LSAMP: variants seen among roughly 807,000 people sequenced by gnomAD.
LSAMP encodes the protein limbic system associated membrane protein.
A neutral mutation model predicts 38.6 loss-of-function variants in LSAMP; 7 were observed. The observed-to-expected ratio is 0.18, with a 90% CI of 0.10 to 0.34. The LOEUF (loss-of-function observed/expected upper bound fraction) is 0.34, where lower values mean the gene tolerates loss of function less well. Ranked by LOEUF, LSAMP falls within the 10% of genes least tolerant of loss-of-function variation. LSAMP has a pLI of 1.00. For missense variants in LSAMP, 313 were observed against 420.0 expected, an observed-to-expected ratio of 0.75 and a Z score of 2.23; for synonymous variants, 154 against 166.8, an observed-to-expected ratio of 0.92 and a Z score of 0.59.
chr3:116,102,413 G>A (rs1461085600), intron 1 of LSAMP, among the ~76,000 whole-genome samples: 1 of 152,156 alleles, frequency 6.6e-6, no homozygotes. Flanking sequence ...CTAACTGACT[G>A]GGCTAAGTGG....
Position 115,847,677 on chromosome 3 carries a change from C to A in LSAMP, c.649+4806G>T, listed in dbSNP as rs368441074. Among the ~76,000 whole-genome samples, 45 of 152,266 alleles carry A rather than the reference C, an allele frequency of 3.0e-4. No homozygotes were observed. The East Asian group carries it at 6.9e-3, about 24-fold the overall frequency. ...ATGGTTTTATAAGAGTTTGGTAGTT[C>A]CTCCTGCACTCATTCCCTTTCCTGC... On this transcript the variant is annotated intron_variant, in intron 4 of 6. Transcript: ENST00000490035.
intron 2 of LSAMP, among the ~76,000 whole-genome samples, chr3:116,066,761 A>G (rs1238822211): frequency 6.6e-6 from 1 of 152,102 alleles, no homozygotes; most frequent in African/African-American, 2.4e-5. Context: ...TGATAGCTCC[A>G]CCCTAATAGA....
At chr3:115,939,530 C>CTCTTTCTCTT (rs1553751053) in intron 3 of LSAMP, among the ~76,000 whole-genome samples, 1 of 99,620 alleles carries the variant, frequency 1.0e-5, no homozygotes, top group African/African-American at 3.7e-5. Context: ...TGTTCTCTTT[C>CTCTTTCTCTT]TCTTTCTTTC....
At chr3:116,210,889 A>G (rs1576435563) in intron 1 of LSAMP, among the ~76,000 whole-genome samples, 2 of 152,168 alleles carry the variant, frequency 1.3e-5, no homozygotes, top group Non-Finnish European at 2.9e-5. Flanking sequence ...TTTTATGTTC[A>G]TTGCAGCACT....
intron 1 of LSAMP, among the ~76,000 whole-genome samples, chr3:116,225,702 TAGC>T (rs1333688159): frequency 6.6e-6 from 1 of 152,116 alleles, no homozygotes; most frequent in Non-Finnish European, 1.5e-5. Flanking sequence ...GGCAAAATAA[TAGC>T]AGTTGTTAAG....
At chr3:116,285,493 T>C (rs1241524074) in intron 1 of LSAMP, among the ~76,000 whole-genome samples, 3 of 152,156 alleles carry the variant, frequency 2.0e-5, no homozygotes, top group Non-Finnish European at 4.4e-5. Flanking sequence ...TCATTCCCTC[T>C]TCTTTCAGGA....
intron 3 of LSAMP, among the ~76,000 whole-genome samples, chr3:115,951,202 C>T (rs1424791277): frequency 1.3e-5 from 2 of 152,174 alleles, no homozygotes; most frequent in African/African-American, 4.8e-5. Context: ...CTCTTCTAGA[C>T]ATTGGCTTAG....
chr3:115,908,271 T>C (rs1937058212), intron 3 of LSAMP, among the ~76,000 whole-genome samples: 1 of 152,106 alleles, frequency 6.6e-6, no homozygotes, highest in Admixed American at 6.6e-5. Flanking sequence ...ACTGAAAACC[T>C]ACCCCTCAAT....
rs1282952253 is a variant in LSAMP at position 115,805,975 on chromosome 3, G to A, written c.*4342C>T. 1 of 152,032 alleles carries A rather than the reference G, an allele frequency of 6.6e-6. No homozygotes were observed. Among genetic ancestry groups the A allele is most frequent in the East Asian group, 1.9e-4 (1 of 5,182 alleles). The allele number at this position is 152,032 out of a possible 1,614,324, so 9.4% of individuals were successfully genotyped here. ...CATTTTTGTGGTGTGTTTCACATTT[G>A]TCTTCAAAATATTAATAGTTTATGT... On this transcript the variant is annotated 3_prime_UTR_variant, in exon 7 of 7. Coordinates refer to ENST00000490035, the MANE Select transcript of LSAMP (RefSeq NM_002338.5).
intron 1 of LSAMP, among the ~76,000 whole-genome samples, chr3:116,206,831 G>T (rs2046076302): frequency 6.6e-6 from 1 of 151,182 alleles, no homozygotes; most frequent in African/African-American, 2.4e-5. Flanking sequence ...CAAGTATGTG[G>T]TCAATTTTGG....
chr3:115,897,926 A>T (rs1165743010), intron 3 of LSAMP, among the ~76,000 whole-genome samples: 1 of 152,122 alleles, frequency 6.6e-6, no homozygotes, highest in Admixed American at 6.6e-5. Flanking sequence ...TGGCAGGCAA[A>T]ATACCGCTTC....
At chr3:116,343,961 T>G (rs532825957) in intron 1 of LSAMP, among the ~76,000 whole-genome samples, 1 of 152,108 alleles carries the variant, frequency 6.6e-6, no homozygotes, top group Admixed American at 6.6e-5. Flanking sequence ...AAAGGGAAAC[T>G]GGATAATATA....
At chr3:116,021,984 C>T (rs1378861401) in intron 2 of LSAMP, among the ~76,000 whole-genome samples, 1 of 152,068 alleles carries the variant, frequency 6.6e-6, no homozygotes, top group Admixed American at 6.5e-5. Context: ...ACTGCATCTC[C>T]TAATTAAGGA....
intron 1 of LSAMP, among the ~76,000 whole-genome samples, chr3:116,241,977 G>C (rs982070299): frequency 1.3e-5 from 2 of 151,128 alleles, no homozygotes; most frequent in Non-Finnish European, 2.9e-5. Flanking sequence ...CCGGAAATAT[G>C]ACATAACTAC....
intron 1 of LSAMP, among the ~76,000 whole-genome samples, chr3:116,271,597 T>C (rs1399324231): frequency 6.6e-6 from 1 of 152,126 alleles, no homozygotes; most frequent in Non-Finnish European, 1.5e-5. Flanking sequence ...TGGGGCCACA[T>C]GCTTTAGGAA....
chr3:115,976,465 A>G (rs1939191524), intron 3 of LSAMP, among the ~76,000 whole-genome samples: 1 of 152,196 alleles, frequency 6.6e-6, no homozygotes, highest in Admixed American at 6.5e-5. Context: ...AACAAACAAG[A>G]GAGGTCATCA....
chr3:116,146,301 G>A (rs2107521718), intron 1 of LSAMP, among the ~76,000 whole-genome samples: 1 of 151,962 alleles, frequency 6.6e-6, no homozygotes. Context: ...TTATCCCCAG[G>A]CTTTGAATGT....
chr3:116,273,691 T>G lies in LSAMP; in HGVS notation c.155+171186A>C, dbSNP rs1413999264. On this transcript the variant is annotated intron_variant, in intron 1 of 6. Transcript: ENST00000490035. ...AGAGAAAGAGAAAGAGGCATATATA[T>G]ATATATATATATATATACACACACA... Among the ~76,000 whole-genome samples, 122 of 121,982 alleles carry G rather than the reference T, an allele frequency of 1.0e-3. 22 individuals carry two copies. Among genetic ancestry groups the G allele is most frequent in the African/African-American group, 4.2e-3 (109 of 25,748 alleles). 80.0% of individuals were successfully genotyped at this position (121,982 alleles called of 152,430 possible).
rs559063949 is a variant in LSAMP at position 115,806,933 on chromosome 3, C to T, written c.*3384G>A. ...GAAGCACCCTGGGTCAAAGTCATTTCTGTTTTTGTTAACTGAAAGTTGGGT... is the reference window on the plus strand; with the variant it reads ...GAAGCACCCTGGGTCAAAGTCATTTTTGTTTTTGTTAACTGAAAGTTGGGT... On this transcript the variant is annotated 3_prime_UTR_variant, in exon 7 of 7. Transcript: ENST00000490035. The T allele has an allele frequency of 6.6e-6, 1 of 152,148 alleles. No individual in the cohort carries two copies. The highest frequency in any genetic ancestry group is 2.1e-4 in the South Asian group (1 of 4,832). 9.4% of individuals were successfully genotyped at this position (152,148 alleles called of 1,614,324 possible).
Sources: allele counts gnomAD v4.1 joint callset (sites outside exome capture counted in the v4.1 genomes callset), GRCh38; gene constraint gnomAD v4.1.1; transcripts MANE v1.5; gene names NCBI Gene and HGNC (gene_info 2026-07-23, HGNC 2026-07-21).